Variants in SLC24A4 observed in about 807,000 individuals in gnomAD.
SLC24A4 encodes sodium/potassium/calcium exchanger 4.
SLC24A4 carries 53 observed loss-of-function variants against 79.0 expected under a neutral mutation model. The observed-to-expected ratio is 0.67, with a 90% confidence interval of 0.54 to 0.84. The LOEUF is 0.84. SLC24A4 is among the 40% of genes least tolerant of loss of function. The pLI, the probability that SLC24A4 is intolerant of heterozygous loss-of-function variation, is 0.00. For synonymous variants in SLC24A4, 323 were observed against 323.8 expected, an observed-to-expected ratio of 1.00 and a Z score of 0.03; for missense variants, 731 against 822.0, an observed-to-expected ratio of 0.89 and a Z score of 1.35.
At chr14:92,354,555 G>A (rs1392455332) in intron 2 of SLC24A4, among the ~76,000 whole-genome samples, 2 of 152,150 alleles carry the variant, frequency 1.3e-5, no homozygotes, top group Non-Finnish European at 2.9e-5. Flanking sequence ...CAGCAAGTAG[G>A]CAAAGTATCT....
intron 2 of SLC24A4, among the ~76,000 whole-genome samples, chr14:92,374,967 C>T (rs189503628): frequency 5.4e-4 from 82 of 152,262 alleles, no homozygotes; most frequent in African/African-American, 1.7e-3. Context: ...CATTGCCTGG[C>T]GGCCTGCAAA....
chr14:92,392,450 G>A (rs551906711), intron 2 of SLC24A4, among the ~76,000 whole-genome samples: 9 of 151,946 alleles, frequency 5.9e-5, no homozygotes, highest in Non-Finnish European at 1.3e-4. Flanking sequence ...TGATTGCTCT[G>A]TTGTATTCTG....
chr14:92,493,015 C>T (rs867169070), intron 16 of SLC24A4: 1 of 280,092 alleles, frequency 3.6e-6, no homozygotes, highest in Non-Finnish European at 7.1e-6. Flanking sequence ...CACACACACA[C>T]ACAGAGAAAG....
At chr14:92,493,263 G>A (rs1185056000) in intron 16 of SLC24A4, among the ~76,000 whole-genome samples, 2 of 152,120 alleles carry the variant, frequency 1.3e-5, no homozygotes, top group African/African-American at 4.8e-5. Flanking sequence ...GAGTCAATGC[G>A]GCTAGGACAG....
intron 2 of SLC24A4, among the ~76,000 whole-genome samples, chr14:92,406,804 G>A (rs944337124): frequency 2.0e-5 from 3 of 151,968 alleles, no homozygotes; most frequent in African/African-American, 7.3e-5. Flanking sequence ...TGTGATGGGG[G>A]GGTCTCTGAA....
intron 2 of SLC24A4, among the ~76,000 whole-genome samples, chr14:92,366,206 C>G (rs1887828837): frequency 1.3e-5 from 2 of 152,150 alleles, no homozygotes; most frequent in Non-Finnish European, 2.9e-5. Context: ...TGGCCCTTCC[C>G]CTGGGAGCAC....
In SLC24A4 at chr14:92,398,769, C is replaced by T. The variant is rs1889925551; in HGVS notation, c.242-35143C>T. Among the ~76,000 whole-genome samples the T allele has an allele frequency of 6.6e-6, 1 of 152,196 alleles. No homozygotes were observed. The highest frequency in any genetic ancestry group is 1.5e-5 in the Non-Finnish European group (1 of 68,040). ...AGCATGTCCTCTCAAACACCTCCTG[C>T]CCTCAGTGGAAACCCCGGAGAGATG... On this transcript the variant is annotated intron_variant, in intron 2 of 16. Coordinates refer to ENST00000532405, the MANE Select transcript of SLC24A4 (RefSeq NM_153646.4). The surrounding 1 kb of genome is among the most constrained non-coding windows in gnomAD (Gnocchi z 4.1).
chr14:92,488,074 C>CTTTTTT (rs777031420), intron 14 of SLC24A4, among the ~76,000 whole-genome samples: 2 of 138,778 alleles, frequency 1.4e-5, no homozygotes, highest in Non-Finnish European at 1.6e-5. Context: ...CCTTCTTCCT[C>CTTTTTT]TTTTTTTTTT....
At chr14:92,471,602 G>A (rs1047269972) in intron 12 of SLC24A4, among the ~76,000 whole-genome samples, 1 of 152,120 alleles carries the variant, frequency 6.6e-6, no homozygotes, top group Non-Finnish European at 1.5e-5. Flanking sequence ...CATAATACCA[G>A]GAGGTCTAGG....
chr14:92,482,922 AG>A, intron 13 of SLC24A4, 76 bp downstream of exon 13: 3 of 1,449,232 alleles, frequency 2.1e-6, no homozygotes, highest in Non-Finnish European at 2.8e-6. Flanking sequence ...GGCTAACCAC[AG>A]GTACTGCTGT....
At chr14:92,477,667 C>G (rs1894842851) in intron 12 of SLC24A4, among the ~76,000 whole-genome samples, 1 of 152,182 alleles carries the variant, frequency 6.6e-6, no homozygotes, top group Non-Finnish European at 1.5e-5. Flanking sequence ...GTTGCCCAGG[C>G]TGGTCTTGAA....
chr14:92,351,396 A>G (rs907205925), intron 2 of SLC24A4, among the ~76,000 whole-genome samples: 1 of 152,142 alleles, frequency 6.6e-6, no homozygotes, highest in Non-Finnish European at 1.5e-5. Flanking sequence ...TAAAACTGCT[A>G]TTTTCACATC....
chr14:92,325,099 C>T (rs1885050987), intron 1 of SLC24A4, among the ~76,000 whole-genome samples: 1 of 152,186 alleles, frequency 6.6e-6, no homozygotes, highest in African/African-American at 2.4e-5. Flanking sequence ...CTCAATTACA[C>T]ACCAGAAATA....
At chr14:92,447,528 T>A in intron 9 of SLC24A4, 104 bp downstream of exon 9, 1 of 1,137,256 alleles carries the variant, frequency 8.8e-7, no homozygotes, top group Non-Finnish European at 1.3e-6. Context: ...ATCTTTGTCC[T>A]TTTAGGCCAG....
At chr14:92,433,754 C>G (rs543647548) in intron 2 of SLC24A4, among the ~76,000 whole-genome samples, 158 bp from the exon 3 acceptor site, 1 of 152,204 alleles carries the variant, frequency 6.6e-6, no homozygotes, top group East Asian at 1.9e-4. Flanking sequence ...CCTGAGAGCA[C>G]TGGTCTGCCC....
intron 2 of SLC24A4, among the ~76,000 whole-genome samples, chr14:92,367,909 G>A (rs1595172887): frequency 1.3e-5 from 2 of 152,348 alleles, no homozygotes; most frequent in East Asian, 1.9e-4. Flanking sequence ...GAGAGGCAAC[G>A]TGGAGAAACA....
In SLC24A4 at chr14:92,483,641, TG is replaced by T. The variant is rs1327686446; in HGVS notation, c.1422+798del. 18 of 929,236 alleles carry T rather than the reference TG, an allele frequency of 1.9e-5. 3 individuals carry two copies. The African/African-American group carries it at 2.0e-4, about 11-fold the overall frequency. The allele number at this position is 929,236 out of a possible 1,614,324, so 57.6% of individuals were successfully genotyped here. On this transcript the variant is annotated intron_variant, in intron 13 of 16. Coordinates refer to ENST00000532405, the MANE Select transcript of SLC24A4 (RefSeq NM_153646.4). ...CATGTAAACCTTTCATCGGCTGGGCTGGGCTGGGTCAGGCCACACAGGAGCC... is the reference window on the plus strand; with the variant it reads ...CATGTAAACCTTTCATCGGCTGGGCTGGCTGGGTCAGGCCACACAGGAGCC...
intron 3 of SLC24A4, among the ~76,000 whole-genome samples, chr14:92,437,354 G>A (rs377667626): frequency 2.6e-5 from 4 of 152,278 alleles, no homozygotes; most frequent in South Asian, 2.1e-4. Flanking sequence ...AGTTATAGGC[G>A]AGGGTTTTCC....
At chr14:92,437,601 T>G (rs1484072614) in intron 3 of SLC24A4, among the ~76,000 whole-genome samples, 1 of 152,248 alleles carries the variant, frequency 6.6e-6, no homozygotes, top group Admixed American at 6.5e-5. Context: ...GAACCAGCCT[T>G]AGAATCTGGG....
Sources: allele counts gnomAD v4.1 joint callset (sites outside exome capture counted in the v4.1 genomes callset), GRCh38; gene constraint gnomAD v4.1.1; non-coding constraint Gnocchi (gnomAD v3.1); transcripts MANE v1.5; gene names NCBI Gene and HGNC (gene_info 2026-07-23, HGNC 2026-07-21).